AMBRA1: variants seen among roughly 807,000 people sequenced by gnomAD.
The protein encoded by AMBRA1 is activating molecule in BECN1-regulated autophagy protein 1.
In AMBRA1, 47 loss-of-function variants were observed where a neutral mutation model predicts 125.4. The ratio of observed to expected loss-of-function variants is 0.37; its 90% CI spans 0.30 to 0.48. The LOEUF is 0.48. AMBRA1 is among the 20% of genes least tolerant of loss of function. The pLI is 0.99. For synonymous variants in AMBRA1, 626 were observed against 655.5 expected (o/e 0.95, Z 0.69); for missense variants, 1,331 against 1,693.4 (o/e 0.79, Z 3.76).
chr11:46,536,772 A>G (rs1952498182), intron 7 of AMBRA1, among the ~76,000 whole-genome samples: 1 of 152,232 alleles, frequency 6.6e-6, no homozygotes, highest in African/African-American at 2.4e-5. Context: ...TAAGCTCCAA[A>G]GCAATTCCCC....
intron 12 of AMBRA1, among the ~76,000 whole-genome samples, chr11:46,437,405 G>A (rs1010419786): frequency 6.6e-6 from 1 of 152,146 alleles, no homozygotes; most frequent in Non-Finnish European, 1.5e-5. Context: ...AAGGACAAAC[G>A]AAAAGAGAAT....
chr11:46,453,356 A>G (rs1361339521), intron 11 of AMBRA1, among the ~76,000 whole-genome samples: 1 of 151,504 alleles, frequency 6.6e-6, no homozygotes, highest in Non-Finnish European at 1.5e-5. Context: ...GCCTTGAACT[A>G]CTGGGCTCAA....
chr11:46,537,332 A>G (rs778342932), intron 7 of AMBRA1, among the ~76,000 whole-genome samples: 8 of 152,332 alleles, frequency 5.3e-5, no homozygotes, highest in African/African-American at 7.2e-5. Context: ...TGCCCTCTTC[A>G]GGGCCCAGGA....
At chr11:46,451,141 T>C (rs1948571710) in intron 11 of AMBRA1, among the ~76,000 whole-genome samples, 1 of 152,204 alleles carries the variant, frequency 6.6e-6, no homozygotes, top group Non-Finnish European at 1.5e-5. Context: ...ATTCCTTTCA[T>C]TGAGGCTTAG....
At chr11:46,569,428 TAAAAA>T (rs60592464) in intron 1 of AMBRA1, among the ~76,000 whole-genome samples, 9 of 127,054 alleles carry the variant, frequency 7.1e-5, no homozygotes, top group Non-Finnish European at 9.7e-5. Context: ...ACTGAGAGAT[TAAAAA>T]AAAAAAAATA....
At chr11:46,564,160 A>C (rs1419124845) in intron 1 of AMBRA1, among the ~76,000 whole-genome samples, 1 of 151,610 alleles carries the variant, frequency 6.6e-6, no homozygotes, top group Non-Finnish European at 1.5e-5. Context: ...AAAAAAAAAA[A>C]AAAACGTAAG....
At chr11:46,402,839 C>T (rs1309539216) in intron 17 of AMBRA1, among the ~76,000 whole-genome samples, 1 of 152,198 alleles carries the variant, frequency 6.6e-6, no homozygotes, top group Non-Finnish European at 1.5e-5. Flanking sequence ...AAACAAATGG[C>T]TCCCCCAGGG....
intron 1 of AMBRA1, among the ~76,000 whole-genome samples, chr11:46,580,890 C>T (rs923965756): frequency 7.9e-5 from 12 of 152,118 alleles, no homozygotes; most frequent in African/African-American, 1.7e-4. Context: ...CTCCGCAGAT[C>T]AGATGATCCT....
chr11:46,569,438 A>T lies in AMBRA1; in HGVS notation c.-120-20938T>A, dbSNP rs560398804. On this transcript the variant is annotated intron_variant, in intron 1 of 17. Transcript: ENST00000683756. ...ATATCACTGAGAGATTAAAAAAAAA[A>T]AAATATATATATATATATATATATA... 2.6e-3 allele frequency among the ~76,000 whole-genome samples: 343 copies of T among 134,212 alleles called. 1 individual carries two copies. The highest frequency in any genetic ancestry group is 7.2e-3 in the South Asian group (30 of 4,184). The allele number at this position is 134,212 out of a possible 152,430, so 88.0% of individuals were successfully genotyped here. A position where few individuals can be genotyped will look rare whatever the true frequency, so the allele number is the denominator to read the frequency against.
At chr11:46,575,108 A>C (rs1377217030) in intron 1 of AMBRA1, among the ~76,000 whole-genome samples, 1 of 152,158 alleles carries the variant, frequency 6.6e-6, no homozygotes, top group Admixed American at 6.6e-5. Flanking sequence ...TCCTTCATTA[A>C]AAGTACCAGT....
chr11:46,576,722 C>G (rs79669516), intron 1 of AMBRA1, among the ~76,000 whole-genome samples: 2,015 of 152,258 alleles, frequency 0.013, 42 homozygotes, highest in African/African-American at 0.046. Context: ...ACCACCTGAA[C>G]AATATCCCTC....
chr11:46,488,828 A>G (rs1170031255), intron 11 of AMBRA1, among the ~76,000 whole-genome samples: 1 of 152,250 alleles, frequency 6.6e-6, no homozygotes, highest in Non-Finnish European at 1.5e-5. Context: ...ATATGGGAAA[A>G]TTCAACAACA....
At chr11:46,453,319 G>A (rs1349316812) in intron 11 of AMBRA1, among the ~76,000 whole-genome samples, 1 of 151,612 alleles carries the variant, frequency 6.6e-6, no homozygotes, top group African/African-American at 2.4e-5. Context: ...AGGCTGGAAT[G>A]TAGTGGTGCA....
intron 17 of AMBRA1, among the ~76,000 whole-genome samples, chr11:46,399,074 A>G (rs1590698316): frequency 6.6e-6 from 1 of 150,638 alleles, no homozygotes; most frequent in African/African-American, 2.5e-5. Flanking sequence ...ACGCCTGGCC[A>G]TATTTATTTA....
intron 1 of AMBRA1, among the ~76,000 whole-genome samples, chr11:46,568,140 T>G (rs2135263238): frequency 6.7e-6 from 1 of 149,114 alleles, no homozygotes. Context: ...AGAGTGAGAC[T>G]CTGTCTTAAA....
At chr11:46,584,933 G>A (rs1233978974) in intron 1 of AMBRA1, among the ~76,000 whole-genome samples, 1 of 152,136 alleles carries the variant, frequency 6.6e-6, no homozygotes, top group East Asian at 1.9e-4. Flanking sequence ...TTAGCTGGAT[G>A]AGGTGGTGGG....
intron 11 of AMBRA1, among the ~76,000 whole-genome samples, chr11:46,458,767 C>T (rs185645820): frequency 2.6e-5 from 4 of 152,194 alleles, no homozygotes; most frequent in African/African-American, 9.6e-5. Flanking sequence ...CAGAACCTCA[C>T]ATTTTAGATA....
chr11:46,486,956 C>A (rs1480942141), intron 11 of AMBRA1, among the ~76,000 whole-genome samples: 3 of 141,944 alleles, frequency 2.1e-5, no homozygotes, highest in East Asian at 2.1e-4. Context: ...TAAATAAATA[C>A]AAATAAAAGA....
chr11:46,551,213 T>G (rs185336844), intron 1 of AMBRA1, among the ~76,000 whole-genome samples: 1 of 151,930 alleles, frequency 6.6e-6, no homozygotes, highest in African/African-American at 2.4e-5. Context: ...AAACTAATGG[T>G]AACACGCTGG....
Sources: gnomAD v4.1 joint callset for allele counts (sites outside exome capture counted in the v4.1 genomes callset) on GRCh38, gnomAD v4.1.1 for gene constraint, MANE v1.5 for transcripts, NCBI Gene and HGNC (gene_info 2026-07-23, HGNC 2026-07-21) for gene names.